DLG1: variants seen among roughly 807,000 people sequenced by gnomAD.
DLG1 encodes the protein disks large homolog 1.
DLG1 carries 42 observed loss-of-function variants against 123.4 expected under a neutral mutation model. The ratio of observed to expected loss-of-function variants is 0.34; its 90% CI spans 0.27 to 0.44. DLG1 has a LOEUF of 0.44. DLG1 is among the 20% of genes least tolerant of loss of function. DLG1 has a pLI of 1.00. For synonymous variants in DLG1, 317 were observed against 356.2 expected, an observed-to-expected ratio of 0.89 and a Z score of 1.24; for missense variants, 942 against 1,082.6, an observed-to-expected ratio of 0.87 and a Z score of 1.82.
At chr3:197,096,519 T>C (rs755011245) in intron 14 of DLG1, among the ~76,000 whole-genome samples, 2 of 152,186 alleles carry the variant, frequency 1.3e-5, no homozygotes, top group Non-Finnish European at 2.9e-5. Context: ...ATGTGAGGTG[T>C]AGATTAAACT....
intron 19 of DLG1, among the ~76,000 whole-genome samples, chr3:197,068,855 T>C (rs1174011341): frequency 1.3e-5 from 2 of 152,118 alleles, no homozygotes; most frequent in East Asian, 3.8e-4. Context: ...CTAATGATAA[T>C]TTAGCATTAC....
At chr3:197,147,612 G>C (rs1182190075) in intron 6 of DLG1, among the ~76,000 whole-genome samples, 6 of 152,126 alleles carry the variant, frequency 3.9e-5, no homozygotes, top group Admixed American at 3.9e-4. Context: ...ATAAGTGGGA[G>C]CTAAGCTATG....
At chr3:197,196,959 C>T (rs148716869) in intron 4 of DLG1, among the ~76,000 whole-genome samples, 33 of 151,976 alleles carry the variant, frequency 2.2e-4, no homozygotes, top group Non-Finnish European at 3.8e-4. Flanking sequence ...TATGAATGTA[C>T]GTATGTAATT....
chr3:197,297,562 G>A (rs1451942201), intron 1 of DLG1: 19 of 1,063,006 alleles, frequency 1.8e-5, no homozygotes, highest in Non-Finnish European at 2.2e-5. Flanking sequence ...GGGTACGGGC[G>A]GGTGAAGCGC....
chr3:197,154,958 C>T (rs895130258), intron 5 of DLG1, among the ~76,000 whole-genome samples: 1 of 152,002 alleles, frequency 6.6e-6, no homozygotes, highest in Non-Finnish European at 1.5e-5. Context: ...ATCAAGCAGA[C>T]CAACTAATGC....
At chr3:197,181,931 T>G (rs1712324728) in intron 5 of DLG1, among the ~76,000 whole-genome samples, 1 of 152,144 alleles carries the variant, frequency 6.6e-6, no homozygotes, top group Non-Finnish European at 1.5e-5. Context: ...GGGTCATGAC[T>G]CTCTTCTGGC....
At chr3:197,062,835 T>C (rs965694743) in intron 22 of DLG1, among the ~76,000 whole-genome samples, 3 of 152,230 alleles carry the variant, frequency 2.0e-5, no homozygotes, top group African/African-American at 7.2e-5. Context: ...TCTATTTCTA[T>C]ATCTACTCTT....
chr3:197,278,182 C>T (rs146154976), intron 4 of DLG1, among the ~76,000 whole-genome samples: 1 of 137,568 alleles, frequency 7.3e-6, no homozygotes, highest in African/African-American at 2.7e-5. Flanking sequence ...ACTCGGGAGG[C>T]TGAGGTGGAA....
At chr3:197,293,961 A>T (rs1158958995) in intron 3 of DLG1, 1 of 153,130 alleles carries the variant, frequency 6.5e-6, no homozygotes, top group Non-Finnish European at 1.5e-5. Flanking sequence ...ATTTTTCTGC[A>T]AACACTATGG....
At chr3:197,127,645 C>G (rs1780432481) in intron 11 of DLG1, among the ~76,000 whole-genome samples, 2 of 150,486 alleles carry the variant, frequency 1.3e-5, no homozygotes, top group Admixed American at 1.3e-4. Context: ...AAAGAAAATC[C>G]CTTTAATTTT....
At chr3:197,064,530 T>C (rs577003252) in intron 22 of DLG1, among the ~76,000 whole-genome samples, 7 of 152,326 alleles carry the variant, frequency 4.6e-5, no homozygotes, top group African/African-American at 1.7e-4. Flanking sequence ...TTGAACGTCA[T>C]TTCCTATGTA....
intron 5 of DLG1, among the ~76,000 whole-genome samples, chr3:197,193,293 A>C (rs1720649493): frequency 6.6e-6 from 1 of 152,326 alleles, no homozygotes; most frequent in East Asian, 1.9e-4. Flanking sequence ...ATACCTCCCT[A>C]GTAAAATTCC....
At chr3:197,120,946 G>C (rs1776038150) in intron 11 of DLG1, among the ~76,000 whole-genome samples, 1 of 152,076 alleles carries the variant, frequency 6.6e-6, no homozygotes, top group South Asian at 2.1e-4. Flanking sequence ...CAAGTGAATT[G>C]GTATGTAGCC....
At chr3:197,233,547 C>T (rs1488643097) in intron 4 of DLG1, among the ~76,000 whole-genome samples, 2 of 152,108 alleles carry the variant, frequency 1.3e-5, no homozygotes, top group East Asian at 1.9e-4. Flanking sequence ...CCACGATGCC[C>T]GGCTTTTTTG....
At chr3:197,066,137 G>A (rs1025923102) in intron 20 of DLG1, among the ~76,000 whole-genome samples, 2 of 152,140 alleles carry the variant, frequency 1.3e-5, no homozygotes, top group African/African-American at 2.4e-5. Flanking sequence ...GAAATTGTAA[G>A]GAAGCAGAGC....
At chr3:197,082,589 A>C (rs1381070318) in intron 16 of DLG1, among the ~76,000 whole-genome samples, 9 of 152,158 alleles carry the variant, frequency 5.9e-5, no homozygotes, top group Non-Finnish European at 1.3e-4. Flanking sequence ...TATATTTGTA[A>C]ATATTATTCC....
At chr3:197,296,970 C>A in intron 2 of DLG1, 1 of 568,144 alleles carries the variant, frequency 1.8e-6, no homozygotes, top group Non-Finnish European at 3.1e-6. Context: ...GGGCTAACTG[C>A]CTCTCTTAAT....
At chr3:197,139,728 CAT>C (rs1787029670) in intron 8 of DLG1, among the ~76,000 whole-genome samples, 1 of 152,064 alleles carries the variant, frequency 6.6e-6, no homozygotes, top group South Asian at 2.1e-4. Flanking sequence ...AGTTTATATA[CAT>C]GTTTCCCAGC....
chr3:197,235,030 C>T (rs1745223754), intron 4 of DLG1, among the ~76,000 whole-genome samples: 2 of 152,136 alleles, frequency 1.3e-5, no homozygotes, highest in African/African-American at 2.4e-5. Flanking sequence ...ACTTGACCTT[C>T]TGCCTTAAAA....
Sources: allele counts gnomAD v4.1 joint callset (sites outside exome capture counted in the v4.1 genomes callset), GRCh38; gene constraint gnomAD v4.1.1; transcripts MANE v1.5; gene names NCBI Gene and HGNC (gene_info 2026-07-23, HGNC 2026-07-21).